The following ZCCHC7 variants were observed in gnomAD, a reference collection of about 807,000 sequenced individuals.
ZCCHC7 encodes zinc finger CCHC domain-containing protein 7.
Under a neutral mutation model 52.0 loss-of-function variants are expected in ZCCHC7, and 35 were observed. The ratio of observed to expected loss-of-function variants is 0.67; its 90% CI spans 0.51 to 0.89. The LOEUF (loss-of-function observed/expected upper bound fraction) is 0.89, where lower values mean the gene tolerates loss of function less well. Among genes scored for constraint, ZCCHC7 ranks in the 40% least tolerant of loss-of-function variants. The pLI, the probability that ZCCHC7 is intolerant of heterozygous loss-of-function variation, is 0.00. For missense variants in ZCCHC7, 574 were observed against 649.1 expected, an observed-to-expected ratio of 0.88 and a Z score of 1.26; for synonymous variants, 217 against 221.5, an observed-to-expected ratio of 0.98 and a Z score of 0.18.
At chr9:37,352,077 T>C (rs1383770381) in intron 7 of ZCCHC7, among the ~76,000 whole-genome samples, 3 of 152,230 alleles carry the variant, frequency 2.0e-5, no homozygotes, top group African/African-American at 7.2e-5. Flanking sequence ...TCTGTGCTAA[T>C]GGAGGGGACC....
intron 6 of ZCCHC7, among the ~76,000 whole-genome samples, chr9:37,337,461 A>C (rs1278529723): frequency 7.3e-6 from 1 of 137,752 alleles, no homozygotes; most frequent in African/African-American, 2.7e-5. Flanking sequence ...ACACATACGC[A>C]TCCCCCTTTC....
intron 2 of ZCCHC7, among the ~76,000 whole-genome samples, chr9:37,210,719 C>A (rs888759234): frequency 2.0e-5 from 3 of 152,206 alleles, no homozygotes; most frequent in Non-Finnish European, 2.9e-5. Context: ...CCCTATTCCA[C>A]TGGTTTCTAA....
rs981760851 is a variant in ZCCHC7 at position 37,126,358 on chromosome 9, T to C, written c.26T>C (p.Ile9Thr). ...ATGATGTTTGGTGGCTATGAGACTA[T>C]AGAAGCATACGAAGATGATCTTTAT... MMFGGYET[I>T]EAYEDDLYRD... The change falls in exon 2 of 9, where the codon ATA (isoleucine) becomes ACA (threonine). Residue 9 changes from isoleucine to threonine, a missense_variant. Coordinates refer to ENST00000336755, the MANE Select transcript of ZCCHC7 (RefSeq NM_032226.3). 4.3e-6 allele frequency: 7 copies of C among 1,613,794 alleles called. No individual in the cohort carries two copies. Among genetic ancestry groups the C allele is most frequent in the East Asian group, 2.2e-5 (1 of 44,884 alleles).
At chr9:37,295,463 A>C (rs952351340) in intron 2 of ZCCHC7, among the ~76,000 whole-genome samples, 1 of 152,332 alleles carries the variant, frequency 6.6e-6, no homozygotes, top group Non-Finnish European at 1.5e-5. Context: ...GAAATTACTT[A>C]AGTAGCAGTG....
chr9:37,218,376 T>C (rs1285586444), intron 2 of ZCCHC7, among the ~76,000 whole-genome samples: 1 of 152,238 alleles, frequency 6.6e-6, no homozygotes, highest in Non-Finnish European at 1.5e-5. Context: ...TATGGGTTCA[T>C]GGTTAAGGCA....
intron 2 of ZCCHC7, among the ~76,000 whole-genome samples, chr9:37,194,918 G>A (rs1372304273): frequency 1.3e-5 from 2 of 151,234 alleles, no homozygotes; most frequent in African/African-American, 2.4e-5. Flanking sequence ...AGCAGAACAA[G>A]AACTCAGATT....
chr9:37,262,629 C>T (rs889472815), intron 2 of ZCCHC7, among the ~76,000 whole-genome samples: 1 of 152,174 alleles, frequency 6.6e-6, no homozygotes, highest in Non-Finnish European at 1.5e-5. Context: ...CCTTCCAGAA[C>T]TCCCGGTGGA....
At chr9:37,242,441 C>T (rs1588538109) in intron 2 of ZCCHC7, among the ~76,000 whole-genome samples, 1 of 151,800 alleles carries the variant, frequency 6.6e-6, no homozygotes, top group Non-Finnish European at 1.5e-5. Context: ...TTCCTTGCTT[C>T]CCATGATACT....
chr9:37,337,031 G>A (rs1012140983), intron 6 of ZCCHC7, among the ~76,000 whole-genome samples: 2 of 152,206 alleles, frequency 1.3e-5, no homozygotes, highest in Admixed American at 6.6e-5. Flanking sequence ...ATTCCTGAGA[G>A]GATTATTTAA....
chr9:37,290,028 C>T (rs1231819123), intron 2 of ZCCHC7, among the ~76,000 whole-genome samples: 1 of 152,180 alleles, frequency 6.6e-6, no homozygotes, highest in Non-Finnish European at 1.5e-5. Flanking sequence ...TTACCCTGCT[C>T]TACTTTTTCT....
intron 5 of ZCCHC7, among the ~76,000 whole-genome samples, chr9:37,309,433 G>A (rs1829491030): frequency 6.6e-6 from 1 of 152,140 alleles, no homozygotes; most frequent in African/African-American, 2.4e-5. Flanking sequence ...GATGATATCA[G>A]CCTCTTTCTC....
intron 6 of ZCCHC7, among the ~76,000 whole-genome samples, chr9:37,341,568 T>C (rs1462056241): frequency 6.6e-6 from 1 of 152,106 alleles, no homozygotes; most frequent in East Asian, 1.9e-4. Flanking sequence ...TAGTAAACTA[T>C]ATAGTATGTC....
At chr9:37,125,725 A>AAG (rs1842513333) in intron 1 of ZCCHC7, among the ~76,000 whole-genome samples, 2 of 152,228 alleles carry the variant, frequency 1.3e-5, no homozygotes, top group Non-Finnish European at 2.9e-5. Flanking sequence ...ATCCTGCGGT[A>AAG]GATCTCAATT....
At chr9:37,218,422 G>A (rs1564185830) in intron 2 of ZCCHC7, among the ~76,000 whole-genome samples, 2 of 152,192 alleles carry the variant, frequency 1.3e-5, no homozygotes, top group South Asian at 2.1e-4. Flanking sequence ...TTTAATTTTA[G>A]CACTGGCTCA....
chr9:37,186,598 T>C (rs971859918), intron 2 of ZCCHC7: 3 of 398,532 alleles, frequency 7.5e-6, no homozygotes, highest in Non-Finnish European at 1.4e-5. Flanking sequence ...AACTGAAGTT[T>C]GCTTGCATTT....
chr9:37,174,451 G>C (rs117069169), intron 2 of ZCCHC7, among the ~76,000 whole-genome samples: 3,566 of 152,260 alleles, frequency 0.023, 70 homozygotes, highest in Non-Finnish European at 0.035. Context: ...AGTAATTGTT[G>C]ATTGTACAGC....
At chr9:37,128,569 A>G (rs763601646) in intron 2 of ZCCHC7, among the ~76,000 whole-genome samples, 7 of 152,232 alleles carry the variant, frequency 4.6e-5, no homozygotes, top group Non-Finnish European at 1.0e-4. Flanking sequence ...CTACTCTTAC[A>G]TGACTTTGTG....
At chr9:37,164,441 TTAGATAGA>T (rs58626855) in intron 2 of ZCCHC7, among the ~76,000 whole-genome samples, 32,192 of 139,204 alleles carry the variant, frequency 0.23, 3,882 homozygotes, top group African/African-American at 0.26. Context: ...TGAGACTGTC[TTAGATAGA>T]TAGATAGATA....
intron 5 of ZCCHC7, among the ~76,000 whole-genome samples, chr9:37,324,807 G>A (rs1272113775): frequency 2.0e-5 from 3 of 152,218 alleles, no homozygotes; most frequent in Non-Finnish European, 2.9e-5. Context: ...AGGAGGAAAG[G>A]CCGCTTAGTG....
Sources: allele counts gnomAD v4.1 joint callset (sites outside exome capture counted in the v4.1 genomes callset), GRCh38; gene constraint gnomAD v4.1.1; transcripts MANE v1.5; gene names NCBI Gene and HGNC (gene_info 2026-07-23, HGNC 2026-07-21).